The following RCOR3 variants were observed in gnomAD, a reference collection of about 807,000 sequenced individuals.
RCOR3 encodes the protein REST corepressor 3.
A neutral mutation model predicts 64.1 loss-of-function variants in RCOR3; 13 were observed. That is an observed-to-expected ratio of 0.20 (90% confidence interval 0.13 to 0.32). RCOR3 has a LOEUF of 0.32. Ranked by LOEUF, RCOR3 falls within the 10% of genes least tolerant of loss-of-function variation. RCOR3 has a pLI of 1.00. For missense variants in RCOR3, 489 were observed against 701.2 expected, an observed-to-expected ratio of 0.70 and a Z score of 3.42; for synonymous variants, 215 against 239.0, an observed-to-expected ratio of 0.90 and a Z score of 0.93.
At chr1:211,279,187 T>TAA (rs10708960) in intron 6 of RCOR3, 51 bp from the exon 7 acceptor site, 69 of 943,776 alleles carry the variant, frequency 7.3e-5, no homozygotes, top group Admixed American at 3.3e-4. Context: ...AACGCTGTCT[T>TAA]AAAAAAAAAA....
chr1:211,279,202 A>T, intron 6 of RCOR3, 36 bp from the exon 7 acceptor site: 9 of 1,041,040 alleles, frequency 8.6e-6, no homozygotes, highest in Non-Finnish European at 1.3e-5. Flanking sequence ...AAAAAAAAAA[A>T]GGGAATTAAG....
intron 7 of RCOR3, among the ~76,000 whole-genome samples, chr1:211,282,466 A>G (rs1697943985): frequency 6.6e-6 from 1 of 152,120 alleles, no homozygotes; most frequent in Admixed American, 6.6e-5. Flanking sequence ...CTGAAGAAAC[A>G]GAAGTCCTGT....
chr1:211,313,274 A>T lies in RCOR3; in HGVS notation c.1318-150A>T. The T allele has an allele frequency of 7.0e-7, 1 of 1,435,226 alleles. No individual in the cohort carries two copies. The highest frequency in any genetic ancestry group is 9.1e-7 in the Non-Finnish European group (1 of 1,099,928). 88.9% of individuals were successfully genotyped at this position (1,435,226 alleles called of 1,614,324 possible). A position where few individuals can be genotyped will look rare whatever the true frequency, so the allele number is the denominator to read the frequency against. On this transcript the variant is annotated intron_variant, in intron 11 of 11. Transcript: ENST00000419091. This position sits in a 1 kb window ranked among gnomAD's most constrained non-coding sequence, Gnocchi z 4.7. ...TTTTTGGTTTTGTTTTGTTTAAAATAAAAGAAGCTTGTGCTTCCAATAAAC... is the reference window on the plus strand; with the variant it reads ...TTTTTGGTTTTGTTTTGTTTAAAATTAAAGAAGCTTGTGCTTCCAATAAAC...
chr1:211,265,915 A>G (rs1001163271), intron 2 of RCOR3, among the ~76,000 whole-genome samples: 10 of 152,090 alleles, frequency 6.6e-5, no homozygotes, highest in African/African-American at 2.2e-4. Context: ...ATTTTGGGCC[A>G]TGTACTCTTG....
rs765681933 is a variant in RCOR3 at position 211,313,492 on chromosome 1, A to C, written c.1386A>C (p.Pro462=). Residue 462 remains proline (P), a synonymous_variant, in exon 12 of 12, where the codon CCA becomes CCC. Transcript: ENST00000419091. This position sits in a 1 kb window ranked among gnomAD's most constrained non-coding sequence, Gnocchi z 4.7. ...SPPAPSSTPT[P]TAPIATLNQP... ...CTGCCCCATCATCCACTCCAACACCAACAGCCCCTATTGCCACTCTGAACC... is the reference window on the plus strand; with the variant it reads ...CTGCCCCATCATCCACTCCAACACCCACAGCCCCTATTGCCACTCTGAACC... 1 of 1,614,056 alleles carries C rather than the reference A, an allele frequency of 6.2e-7. No homozygotes were observed. Among genetic ancestry groups the C allele is most frequent in the Non-Finnish European group, 8.5e-7 (1 of 1,180,010 alleles).
At chr1:211,278,364 T>C in intron 6 of RCOR3, 123 bp downstream of exon 6, 1 of 1,156,152 alleles carries the variant, frequency 8.6e-7, no homozygotes, top group East Asian at 2.5e-5. Flanking sequence ...CATTTATGTT[T>C]CTACTCTGAC....
chr1:211,277,692 G>A (rs1697210529), intron 5 of RCOR3, among the ~76,000 whole-genome samples: 1 of 152,122 alleles, frequency 6.6e-6, no homozygotes, highest in South Asian at 2.1e-4. Flanking sequence ...ATTGCTAATG[G>A]GTACCGGATT....
At chr1:211,296,236 G>A (rs1699850852) in intron 9 of RCOR3, among the ~76,000 whole-genome samples, 1 of 152,044 alleles carries the variant, frequency 6.6e-6, no homozygotes, top group South Asian at 2.1e-4. Flanking sequence ...TTACATTCTT[G>A]TACTTACAAA....
intron 10 of RCOR3, among the ~76,000 whole-genome samples, chr1:211,309,146 A>T (rs1284323522): frequency 6.6e-6 from 1 of 151,896 alleles, no homozygotes; most frequent in Non-Finnish European, 1.5e-5. Flanking sequence ...ATACCACATA[A>T]ATTCTCCTGA....
At chr1:211,311,897 T>C (rs568849226) in intron 10 of RCOR3, among the ~76,000 whole-genome samples, 1 of 152,304 alleles carries the variant, frequency 6.6e-6, no homozygotes, top group Non-Finnish European at 1.5e-5. Context: ...TATTACCCTT[T>C]ATTATAATGA....
At chr1:211,303,039 T>C (rs1700535671) in intron 9 of RCOR3, 1 of 152,200 alleles carries the variant, frequency 6.6e-6, no homozygotes, top group South Asian at 2.1e-4. Context: ...TTTTACTGTT[T>C]TTCCTTTGCC....
chr1:211,260,757 G>T (rs1026929029), intron 2 of RCOR3, among the ~76,000 whole-genome samples: 9 of 152,184 alleles, frequency 5.9e-5, no homozygotes, highest in African/African-American at 2.2e-4. Flanking sequence ...GGGGGAAGGG[G>T]GTGGGGAGAC....
At chr1:211,286,178 T>C (rs1698490228) in intron 7 of RCOR3, among the ~76,000 whole-genome samples, 1 of 152,228 alleles carries the variant, frequency 6.6e-6, no homozygotes, top group African/African-American at 2.4e-5. Context: ...TTTCTTATTT[T>C]TACCTTCTAT....
In RCOR3 at chr1:211,312,838, A is replaced by G. The variant is rs1558117559; in HGVS notation, c.1194A>G (p.Val398=). The change falls in exon 11 of 12, where the codon GTA becomes GTG. Residue 398 remains valine (V), a synonymous_variant. Transcript: ENST00000419091. The surrounding 1 kb of genome is among the most constrained non-coding windows in gnomAD (Gnocchi z 5.0). ...NYRRRFNLEE[V]LQEWEAEQGT... ...GGCGTCGGTTTAACTTAGAGGAGGT[A>G]TTGCAGGAGTGGGAAGCAGAACAAG... is the stretch of plus-strand genomic sequence containing the variant. The G allele has an allele frequency of 6.2e-7, 1 of 1,614,088 alleles. No individual in the cohort carries two copies. The highest frequency in any genetic ancestry group is 8.5e-7 in the Non-Finnish European group (1 of 1,180,026).
chr1:211,273,675 T>C (rs1696558295), intron 3 of RCOR3, among the ~76,000 whole-genome samples: 1 of 152,158 alleles, frequency 6.6e-6, no homozygotes, highest in African/African-American at 2.4e-5. Context: ...CAAACATGCT[T>C]TGTGTAACAA....
At position 211,313,089 on chromosome 1, in the gene RCOR3, C is replaced by T; in HGVS notation, c.1317+128C>T. On this transcript the variant is annotated intron_variant, in intron 11 of 11. Transcript: ENST00000419091. This position sits in a 1 kb window ranked among gnomAD's most constrained non-coding sequence, Gnocchi z 4.7. ...ATGAAAGGTTGACAATACACTTCTT[C>T]AGTGGTGCATCTCTCGTGACTCTTA... The T allele has an allele frequency of 1.3e-6, 2 of 1,547,414 alleles. No individual in the cohort carries two copies. Among genetic ancestry groups the T allele is most frequent in the Non-Finnish European group, 1.7e-6 (2 of 1,151,548 alleles).
At chr1:211,260,590 A>T (rs960063977) in intron 2 of RCOR3, among the ~76,000 whole-genome samples, 1 of 152,088 alleles carries the variant, frequency 6.6e-6, no homozygotes. Context: ...GGCGGGTGGC[A>T]GAGGCCAGGG....
At chr1:211,273,705 A>G (rs1472432642) in intron 3 of RCOR3, among the ~76,000 whole-genome samples, 6 of 152,216 alleles carry the variant, frequency 3.9e-5, no homozygotes, top group African/African-American at 1.2e-4. Context: ...GCTGAAGAAA[A>G]TTTAGAGTAC....
chr1:211,282,705 G>T (rs917052827), intron 7 of RCOR3, among the ~76,000 whole-genome samples: 1 of 152,060 alleles, frequency 6.6e-6, no homozygotes, highest in Non-Finnish European at 1.5e-5. Context: ...CGCCATGTTG[G>T]CTAGGCTGGT....
Sources: allele counts gnomAD v4.1 joint callset (sites outside exome capture counted in the v4.1 genomes callset), GRCh38; gene constraint gnomAD v4.1.1; non-coding constraint Gnocchi (gnomAD v3.1); transcripts MANE v1.5; gene names NCBI Gene and HGNC (gene_info 2026-07-23, HGNC 2026-07-21).